Variants in TPO observed in about 807,000 individuals in gnomAD.
TPO encodes the protein thyroid peroxidase, also known as thyroid microsomal antigen.
In TPO, 78 loss-of-function variants were observed where a neutral mutation model predicts 96.9. The observed-to-expected ratio is 0.81, with a 90% CI of 0.67 to 0.97. The LOEUF is 0.97. Among genes scored for constraint, TPO ranks in the 50% least tolerant of loss-of-function variants. The pLI is 0.00. For missense variants in TPO, 1,252 were observed against 1,274.8 expected (o/e 0.98, Z 0.27); for synonymous variants, 547 against 538.0 (o/e 1.02, Z -0.23).
chr2:1,541,197 T>G (rs1273026912), intron 16 of TPO: 1 of 1,168,014 alleles, frequency 8.6e-7, no homozygotes, highest in Non-Finnish European at 1.1e-6. Flanking sequence ...ACTTTTGAAC[T>G]GAGAGAAGCA....
chr2:1,446,442 C>G (rs765282895), intron 5 of TPO, among the ~76,000 whole-genome samples: 2 of 152,176 alleles, frequency 1.3e-5, no homozygotes, highest in Admixed American at 6.5e-5. Context: ...AGTGTAAGAG[C>G]CCCACAGCCC....
Position 1,496,617 on chromosome 2 carries a change from G to A in TPO, c.2238G>A (p.Glu746=), listed in dbSNP as rs1451664059. The change falls in exon 13 of 17, where the codon GAG becomes GAA. Residue 746 remains glutamate (E), a synonymous_variant. Coordinates refer to ENST00000329066, the MANE Select transcript of TPO (RefSeq NM_001206744.2). The stretch of plus-strand genomic sequence containing the variant: ...TAGACGACAAGTGTGGCTTCCCAGA[G>A]AGCGTGGAGAATGGGGACTTTGTGC... The part of the protein sequence containing the change: ...FPQDDKCGFP[E]SVENGDFVHC... 2 of 1,613,934 alleles carry A rather than the reference G, an allele frequency of 1.2e-6. No homozygotes were observed. Among genetic ancestry groups the A allele is most frequent in the African/African-American group, 1.3e-5 (1 of 74,920 alleles).
At chr2:1,534,854 C>T (rs1313683637) in intron 15 of TPO, among the ~76,000 whole-genome samples, 1 of 143,060 alleles carries the variant, frequency 7.0e-6, no homozygotes, top group African/African-American at 2.6e-5. Flanking sequence ...GTGTAACCCC[C>T]CCAAATCCCA....
upstream of TPO, among the ~76,000 whole-genome samples, chr2:1,411,241 T>C (rs1014849103): frequency 1.2e-4 from 19 of 152,220 alleles, no homozygotes; most frequent in African/African-American, 4.6e-4. Flanking sequence ...GCACATCATG[T>C]AATCCAGCTA....
intron 10 of TPO, among the ~76,000 whole-genome samples, chr2:1,492,464 G>A (rs1172523420): frequency 3.9e-5 from 6 of 152,014 alleles, no homozygotes; most frequent in East Asian, 1.9e-4. Context: ...CTCTAGAAGC[G>A]CAGATTTTGA....
chr2:1,374,965 G>A (rs951328126), intron 1 of TPO, among the ~76,000 whole-genome samples: 6 of 151,826 alleles, frequency 4.0e-5, no homozygotes, highest in East Asian at 3.9e-4. Flanking sequence ...TCCTGAACTC[G>A]TCATCTACCC....
chr2:1,530,571 T>A (rs576914296), intron 15 of TPO, among the ~76,000 whole-genome samples: 80 of 32,024 alleles, frequency 2.5e-3, no homozygotes, highest in Non-Finnish European at 3.8e-3. Flanking sequence ...CGTCACAAAA[T>A]CCCACGATGT....
At chr2:1,393,643 A>G (rs10153889) in intron 1 of TPO, among the ~76,000 whole-genome samples, 16,376 of 152,294 alleles carry the variant, frequency 0.11, 1,721 homozygotes, top group African/African-American at 0.28. Flanking sequence ...AACTCTCATG[A>G]GAAAAACAAG....
intron 2 of TPO, among the ~76,000 whole-genome samples, chr2:1,415,336 GGC>G (rs1237358841): frequency 7.3e-6 from 1 of 136,536 alleles, no homozygotes; most frequent in Non-Finnish European, 1.6e-5. Context: ...ACAGTCCCGG[GGC>G]CCCTGGAGCA....
At chr2:1,380,132 C>T (rs12165185) in intron 1 of TPO, among the ~76,000 whole-genome samples, 84 of 152,180 alleles carry the variant, frequency 5.5e-4, no homozygotes, top group African/African-American at 1.9e-3. Flanking sequence ...CGGTGGCTCA[C>T]GCCTGTAATC....
At chr2:1,422,960 A>G in intron 2 of TPO, 85 bp from the exon 3 acceptor site, 1 of 1,488,528 alleles carries the variant, frequency 6.7e-7, no homozygotes, top group Non-Finnish European at 9.3e-7. Context: ...CACCGCAGCA[A>G]GATGGGCTTG....
chr2:1,466,706 T>C (rs1280324053), intron 7 of TPO, among the ~76,000 whole-genome samples: 1 of 152,222 alleles, frequency 6.6e-6, no homozygotes, highest in Non-Finnish European at 1.5e-5. Flanking sequence ...TCTTTTGTAT[T>C]TCAGTGGTGT....
chr2:1,537,029 A>G (rs1679861646), intron 15 of TPO, among the ~76,000 whole-genome samples: 1 of 41,736 alleles, frequency 2.4e-5, no homozygotes, highest in African/African-American at 1.2e-4. Flanking sequence ...AACGTCCTCA[A>G]ATACCCCCAC....
At chr2:1,459,097 T>C (rs1053622616) in intron 7 of TPO, among the ~76,000 whole-genome samples, 9 of 152,076 alleles carry the variant, frequency 5.9e-5, no homozygotes, top group Admixed American at 5.2e-4. Flanking sequence ...ACAATATAGG[T>C]AGATTTTTAA....
intron 3 of TPO, among the ~76,000 whole-genome samples, chr2:1,431,127 G>T (rs4927577): frequency 0.27 from 41,730 of 152,034 alleles, 6,048 homozygotes; most frequent in South Asian, 0.4. Context: ...GATGTTGGAG[G>T]TGAGGCCTGG....
intron 7 of TPO, among the ~76,000 whole-genome samples, chr2:1,472,978 C>G (rs1439952558): frequency 6.6e-6 from 1 of 151,892 alleles, no homozygotes; most frequent in African/African-American, 2.4e-5. Context: ...TGTTCATAGC[C>G]TTTGTCCATT....
At chr2:1,497,100 C>T (rs1192758609) in intron 13 of TPO, among the ~76,000 whole-genome samples, 1 of 152,190 alleles carries the variant, frequency 6.6e-6, no homozygotes, top group African/African-American at 2.4e-5. Context: ...CAGCAAACGT[C>T]TCCACTCCAG....
intron 7 of TPO, among the ~76,000 whole-genome samples, chr2:1,471,317 C>T (rs1299066110): frequency 1.3e-5 from 2 of 152,060 alleles, no homozygotes; most frequent in Non-Finnish European, 2.9e-5. Flanking sequence ...TTTCTATTAC[C>T]TTCCTATTAC....
intron 5 of TPO, among the ~76,000 whole-genome samples, chr2:1,446,174 C>T (rs143841677): frequency 1.5e-4 from 23 of 152,246 alleles, no homozygotes; most frequent in South Asian, 1.2e-3. Flanking sequence ...CCTTCTGGCC[C>T]CTCCTAGGTT....
Sources: allele counts gnomAD v4.1 joint callset (sites outside exome capture counted in the v4.1 genomes callset), GRCh38; gene constraint gnomAD v4.1.1; transcripts MANE v1.5; gene names NCBI Gene and HGNC (gene_info 2026-07-23, HGNC 2026-07-21).